The following TMTC2 variants were observed in gnomAD, a reference collection of about 807,000 sequenced individuals.
TMTC2 encodes transmembrane O-mannosyltransferase targeting cadherins 2, also known as protein O-mannosyl-transferase TMTC2.
A neutral mutation model predicts 82.4 loss-of-function variants in TMTC2; 43 were observed. The observed-to-expected ratio is 0.52, with a 90% confidence interval of 0.41 to 0.67. The LOEUF (loss-of-function observed/expected upper bound fraction) is 0.67. Ranked by LOEUF, TMTC2 falls within the 30% of genes least tolerant of loss-of-function variation. The pLI, the probability that TMTC2 is intolerant of heterozygous loss-of-function variation, is 0.00. For synonymous variants in TMTC2, 408 were observed against 381.9 expected (o/e 1.07, Z -0.80); for missense variants, 919 against 1,012.4 (o/e 0.91, Z 1.25).
chr12:82,964,396 C>T (rs755789717), intron 4 of TMTC2, among the ~76,000 whole-genome samples: 14 of 152,052 alleles, frequency 9.2e-5, no homozygotes, highest in Non-Finnish European at 2.1e-4. Context: ...AGATGTTTTT[C>T]AGAACAGTGA....
rs924758778 is a variant in TMTC2, at chr12:82,947,394, G to A, written c.1598+16849G>A. On this transcript the variant is annotated intron_variant, in intron 4 of 11. Coordinates refer to ENST00000321196, the MANE Select transcript of TMTC2 (RefSeq NM_152588.3). Reference sequence around the variant, plus strand: ...TCTCGCTCTTGTCGCCCAGGCTGGAGTGCAGTGGCGCGATCTCGGCTCACT... The same window carrying A: ...TCTCGCTCTTGTCGCCCAGGCTGGAATGCAGTGGCGCGATCTCGGCTCACT... 3.3e-5 allele frequency among the ~76,000 whole-genome samples: 5 copies of A among 149,474 alleles called. No homozygotes were observed. In the South Asian group the frequency reaches 8.4e-4, roughly 25 times the overall value.
intron 1 of TMTC2, among the ~76,000 whole-genome samples, chr12:82,807,611 G>A (rs986350507): frequency 7.9e-5 from 12 of 152,170 alleles, no homozygotes; most frequent in African/African-American, 2.9e-4. Context: ...CTGTATCTTA[G>A]GGGAATTATA....
chr12:82,721,234 T>C (rs2136926647), intron 1 of TMTC2, among the ~76,000 whole-genome samples: 1 of 152,288 alleles, frequency 6.6e-6, no homozygotes, highest in East Asian at 1.9e-4. Flanking sequence ...TACTTGCATG[T>C]TGCCCATGCT....
At chr12:82,991,911 T>A (rs1191264438) in intron 8 of TMTC2, among the ~76,000 whole-genome samples, 1 of 152,214 alleles carries the variant, frequency 6.6e-6, no homozygotes. Flanking sequence ...TATTTTTCAG[T>A]TTTGTGAGCC....
intron 10 of TMTC2, among the ~76,000 whole-genome samples, chr12:83,059,964 C>G (rs1256323721): frequency 6.6e-6 from 1 of 151,684 alleles, no homozygotes; most frequent in African/African-American, 2.4e-5. Flanking sequence ...GAAAACCTTT[C>G]CAGGGCATGA....
chr12:83,099,066 T>C (rs535672918), intron 11 of TMTC2, among the ~76,000 whole-genome samples: 1 of 152,350 alleles, frequency 6.6e-6, no homozygotes, highest in South Asian at 2.1e-4. Context: ...TTTCTATTGC[T>C]GGGAAATAAT....
chr12:83,075,509 C>A (rs1883259507), intron 11 of TMTC2, among the ~76,000 whole-genome samples: 1 of 152,084 alleles, frequency 6.6e-6, no homozygotes. Context: ...TAGTTTTCCC[C>A]CACGTTTTAT....
intron 1 of TMTC2, among the ~76,000 whole-genome samples, chr12:82,697,199 CTG>C (rs1872848771): frequency 1.3e-5 from 2 of 151,766 alleles, no homozygotes; most frequent in South Asian, 4.2e-4. Flanking sequence ...AAAAAATTAA[CTG>C]GGCATGGTGA....
intron 1 of TMTC2, among the ~76,000 whole-genome samples, chr12:82,823,980 G>A (rs922791136): frequency 4.7e-5 from 7 of 147,546 alleles, no homozygotes; most frequent in African/African-American, 1.5e-4. Context: ...TGCAACCTCC[G>A]CTTCCCAGGT....
At chr12:82,922,341 C>A (rs1052283349) in intron 3 of TMTC2, among the ~76,000 whole-genome samples, 1 of 151,800 alleles carries the variant, frequency 6.6e-6, no homozygotes, top group African/African-American at 2.4e-5. Context: ...GAAGATAATC[C>A]CAAACATCTG....
At chr12:82,959,543 C>T (rs775920232) in intron 4 of TMTC2, among the ~76,000 whole-genome samples, 15 of 152,122 alleles carry the variant, frequency 9.9e-5, no homozygotes, top group Middle Eastern at 3.4e-3. Flanking sequence ...ATCTGACCTT[C>T]GACAAATTTG....
At chr12:82,878,526 G>T (rs1282553742) in intron 2 of TMTC2, among the ~76,000 whole-genome samples, 4 of 152,162 alleles carry the variant, frequency 2.6e-5, no homozygotes, top group African/African-American at 9.6e-5. Flanking sequence ...GGATGGATGG[G>T]AGTTTGGTTT....
intron 11 of TMTC2, 26 bp from the exon 12 acceptor site, chr12:83,132,184 T>G: frequency 6.4e-7 from 1 of 1,571,882 alleles, no homozygotes; most frequent in Non-Finnish European, 8.6e-7. Context: ...GCCTCCTAAT[T>G]GTTTTCCTTC....
At chr12:82,744,594 A>AAAAAAAAAAAAAAAG in intron 1 of TMTC2, among the ~76,000 whole-genome samples, 1 of 151,688 alleles carries the variant, frequency 6.6e-6, no homozygotes, top group East Asian at 1.9e-4. Flanking sequence ...AAAAAAAAAA[A>AAAAAAAAAAAAAAAG]AGAGTGAAGG....
At chr12:82,874,744 C>T (rs1287407078) in intron 2 of TMTC2, among the ~76,000 whole-genome samples, 1 of 151,986 alleles carries the variant, frequency 6.6e-6, no homozygotes, top group East Asian at 1.9e-4. Context: ...ATCCCACTTT[C>T]TAATTCTTAA....
intron 8 of TMTC2, among the ~76,000 whole-genome samples, chr12:82,993,406 T>C (rs1314562170): frequency 6.6e-6 from 1 of 152,160 alleles, no homozygotes; most frequent in Non-Finnish European, 1.5e-5. Context: ...GGAAAATTTT[T>C]TGGAGATTTG....
chr12:83,086,614 A>T (rs988550695), intron 11 of TMTC2, among the ~76,000 whole-genome samples: 9 of 152,204 alleles, frequency 5.9e-5, no homozygotes, highest in African/African-American at 1.9e-4. Context: ...AGACCACTGC[A>T]GTAGAGCAAA....
At chr12:82,749,739 C>CTTTTTTTTTTT (rs71068950) in intron 1 of TMTC2, among the ~76,000 whole-genome samples, 1 of 127,164 alleles carries the variant, frequency 7.9e-6, no homozygotes, top group African/African-American at 3.1e-5. Flanking sequence ...TTCTTTCTTT[C>CTTTTTTTTTTT]TTTTTTTTTT....
chr12:82,889,900 T>C (rs1483200754), intron 2 of TMTC2, among the ~76,000 whole-genome samples: 1 of 149,444 alleles, frequency 6.7e-6, no homozygotes, highest in Non-Finnish European at 1.5e-5. Flanking sequence ...TCTATTTCTG[T>C]TTTTTCTTTT....
Sources: allele counts gnomAD v4.1 joint callset (sites outside exome capture counted in the v4.1 genomes callset), GRCh38; gene constraint gnomAD v4.1.1; transcripts MANE v1.5; gene names NCBI Gene and HGNC (gene_info 2026-07-23, HGNC 2026-07-21).